The following KDM4B variants were observed in gnomAD, a reference collection of about 807,000 sequenced individuals.
KDM4B encodes lysine demethylase 4B.
Under a neutral mutation model 125.2 loss-of-function variants are expected in KDM4B, and 32 were observed. The observed-to-expected ratio is 0.26, with a 90% CI of 0.19 to 0.34. The LOEUF (loss-of-function observed/expected upper bound fraction) is 0.34. KDM4B is among the 10% of genes least tolerant of loss of function. KDM4B has a pLI of 1.00. For synonymous variants in KDM4B, 721 were observed against 677.9 expected, an observed-to-expected ratio of 1.06 and a Z score of -0.99; for missense variants, 1,190 against 1,577.7, an observed-to-expected ratio of 0.75 and a Z score of 4.16.
At chr19:5,084,583 A>G (rs1375082907) in intron 9 of KDM4B, among the ~76,000 whole-genome samples, 11 of 142,546 alleles carry the variant, frequency 7.7e-5, no homozygotes, top group Admixed American at 2.9e-4. Context: ...TGTATTATAT[A>G]TAAATATAAA....
chr19:5,044,226 C>T (rs1462803187), intron 5 of KDM4B, among the ~76,000 whole-genome samples: 1 of 36,678 alleles, frequency 2.7e-5, no homozygotes, highest in African/African-American at 1.4e-4. Flanking sequence ...CCTTATCCCG[C>T]GTGGTGTTTA....
At chr19:4,993,600 C>G (rs146086863) in intron 1 of KDM4B, among the ~76,000 whole-genome samples, 54 of 151,828 alleles carry the variant, frequency 3.6e-4, no homozygotes, top group African/African-American at 1.3e-3. Flanking sequence ...CTCTTTATCT[C>G]TAGTAACTTT....
At chr19:5,073,021 C>T (rs935823432) in intron 7 of KDM4B, among the ~76,000 whole-genome samples, 2 of 152,218 alleles carry the variant, frequency 1.3e-5, no homozygotes, top group Non-Finnish European at 2.9e-5. Flanking sequence ...ACCAACAGTC[C>T]CTCTGCCTCG....
At chr19:5,067,751 G>A (rs997075519) in intron 6 of KDM4B, among the ~76,000 whole-genome samples, 2 of 152,174 alleles carry the variant, frequency 1.3e-5, no homozygotes, top group African/African-American at 4.8e-5. Context: ...CCCGGTTGGG[G>A]ACCAGTGGCC....
intron 1 of KDM4B, among the ~76,000 whole-genome samples, chr19:5,001,678 TC>T (rs1435231703): frequency 6.6e-6 from 1 of 150,386 alleles, no homozygotes; most frequent in Non-Finnish European, 1.5e-5. Flanking sequence ...TAAGTCCTGT[TC>T]CGCCAGCTGT....
chr19:4,994,431 C>G (rs894851510), intron 1 of KDM4B, among the ~76,000 whole-genome samples: 7 of 151,804 alleles, frequency 4.6e-5, no homozygotes, highest in African/African-American at 1.5e-4. Flanking sequence ...TGCGTGGTGG[C>G]GCATGCCTGT....
chr19:5,113,052 T>A (rs975765808), intron 10 of KDM4B: 2 of 152,314 alleles, frequency 1.3e-5, no homozygotes, highest in Non-Finnish European at 2.9e-5. Flanking sequence ...CAGGAGGAGA[T>A]GCGGAAGCCG....
intron 11 of KDM4B, among the ~76,000 whole-genome samples, chr19:5,125,240 G>T (rs1366554495): frequency 6.6e-6 from 1 of 151,922 alleles, no homozygotes; most frequent in Non-Finnish European, 1.5e-5. Context: ...CAAGCCCACT[G>T]ACGAGACAGC....
At chr19:5,112,105 C>T (rs990280671) in intron 10 of KDM4B, 4 of 403,046 alleles carry the variant, frequency 9.9e-6, no homozygotes, top group African/African-American at 4.1e-5. Context: ...ATTTAAAAAT[C>T]AGCTGGGTGT....
chr19:5,062,937 C>T lies in KDM4B; in HGVS notation c.627-8073C>T, dbSNP rs372888623. Among the ~76,000 whole-genome samples the T allele has an allele frequency of 8.6e-5, 13 of 151,878 alleles. No homozygotes were observed. The South Asian group carries it at 1.0e-3, about 12-fold the overall frequency. ...CTGGGAACACAGGCATGCACCATCA[C>T]GCCTTACTTAGACGTTTATATTATG... On this transcript the variant is annotated intron_variant, in intron 6 of 22. Transcript: ENST00000159111.
intron 7 of KDM4B, 67 bp downstream of exon 7, chr19:5,071,126 G>A: frequency 6.8e-7 from 1 of 1,467,676 alleles, no homozygotes; most frequent in Non-Finnish European, 9.4e-7. Flanking sequence ...GGTGGGGAAG[G>A]GCAGCTGGCG....
chr19:5,084,692 T>C (rs1329878146), intron 9 of KDM4B, among the ~76,000 whole-genome samples: 1 of 150,420 alleles, frequency 6.6e-6, no homozygotes, highest in African/African-American at 2.4e-5. Context: ...TTCACGCCTA[T>C]AATCTCAGCC....
intron 8 of KDM4B, among the ~76,000 whole-genome samples, chr19:5,080,053 C>A (rs1052408457): frequency 1.3e-5 from 2 of 152,238 alleles, no homozygotes; most frequent in Non-Finnish European, 2.9e-5. Flanking sequence ...GTGTGTTCCC[C>A]CCCCACCCCT....
intron 9 of KDM4B, among the ~76,000 whole-genome samples, chr19:5,089,148 C>T (rs1416294448): frequency 6.6e-6 from 1 of 152,192 alleles, no homozygotes; most frequent in Non-Finnish European, 1.5e-5. Context: ...ACACAAGCTC[C>T]TGCGTCGCAC....
chr19:5,101,991 G>T lies in KDM4B; in HGVS notation c.919-8631G>T, dbSNP rs2145954717. Among the ~76,000 whole-genome samples the T allele has an allele frequency of 2.0e-5, 3 of 152,318 alleles. No homozygotes were observed. The South Asian group carries it at 6.2e-4, about 32-fold the overall frequency. On this transcript the variant is annotated intron_variant, in intron 9 of 22. Coordinates refer to ENST00000159111, the MANE Select transcript of KDM4B (RefSeq NM_015015.3). ...TGATCCTAGGGAGTCCAGCGAGGAG[G>T]GGCAGGCGGCCGCCAGGGTGCCAGG...
At chr19:5,149,215 A>G (rs920843073) in intron 21 of KDM4B, among the ~76,000 whole-genome samples, 1 of 152,234 alleles carries the variant, frequency 6.6e-6, no homozygotes, top group Non-Finnish European at 1.5e-5. Context: ...GCTGCACACT[A>G]CGTGGGGCGT....
intron 11 of KDM4B, among the ~76,000 whole-genome samples, chr19:5,120,929 A>G (rs2039349080): frequency 6.6e-6 from 1 of 152,122 alleles, no homozygotes; most frequent in Non-Finnish European, 1.5e-5. Context: ...TTCCCTCTGT[A>G]TGAGCCCAAC....
At chr19:5,128,668 G>A (rs925131990) in intron 11 of KDM4B, among the ~76,000 whole-genome samples, 2 of 152,168 alleles carry the variant, frequency 1.3e-5, no homozygotes, top group African/African-American at 4.8e-5. Flanking sequence ...TTCCAGCCCT[G>A]GTGAAGCTTC....
intron 2 of KDM4B, among the ~76,000 whole-genome samples, chr19:5,018,943 G>T (rs975414961): frequency 1.3e-5 from 2 of 152,248 alleles, no homozygotes; most frequent in African/African-American, 2.4e-5. Context: ...GGTGCCGGGC[G>T]ACCTGCTCCC....
Sources: gnomAD v4.1 joint callset for allele counts (sites outside exome capture counted in the v4.1 genomes callset) on GRCh38, gnomAD v4.1.1 for gene constraint, MANE v1.5 for transcripts, NCBI Gene and HGNC (gene_info 2026-07-23, HGNC 2026-07-21) for gene names.